The following CADM2 variants were observed in gnomAD, a reference collection of about 807,000 sequenced individuals.
The protein encoded by CADM2 is cell adhesion molecule 2, also known as immunoglobulin superfamily member 4D.
A neutral mutation model predicts 49.8 loss-of-function variants in CADM2; 12 were observed. The ratio of observed to expected loss-of-function variants is 0.24; its 90% CI spans 0.15 to 0.39. The LOEUF (loss-of-function observed/expected upper bound fraction) is 0.39. Among genes scored for constraint, CADM2 ranks in the 10% least tolerant of loss-of-function variants. The pLI, the probability that CADM2 is intolerant of heterozygous loss-of-function variation, is 1.00. For missense variants in CADM2, 378 were observed against 492.3 expected, an observed-to-expected ratio of 0.77 and a Z score of 2.20; for synonymous variants, 214 against 175.4, an observed-to-expected ratio of 1.22 and a Z score of -1.74.
intron 1 of CADM2, among the ~76,000 whole-genome samples, chr3:85,437,530 G>GAAACTTATCAATAGTAGT (rs2036988255): frequency 6.6e-6 from 1 of 152,062 alleles, no homozygotes; most frequent in Admixed American, 6.6e-5. Context: ...TCAGTGGTCT[G>GAAACTTATCAATAGTAGT]GATTTTGACC....
chr3:85,939,284 C>A (rs1402310642), intron 7 of CADM2, among the ~76,000 whole-genome samples: 2 of 151,988 alleles, frequency 1.3e-5, no homozygotes, highest in Admixed American at 1.3e-4. Flanking sequence ...TCTATTCTTT[C>A]CTTAAAAGAG....
chr3:85,160,049 TACATACATACAGAG>T (rs2040267400), intron 1 of CADM2, among the ~76,000 whole-genome samples: 1 of 152,170 alleles, frequency 6.6e-6, no homozygotes, highest in Non-Finnish European at 1.5e-5. Flanking sequence ...AATAGGTGCA[TACATACATACAGAG>T]ATAAAGGGGA....
chr3:85,313,500 C>A (rs1380349502), intron 1 of CADM2, among the ~76,000 whole-genome samples: 3 of 152,118 alleles, frequency 2.0e-5, no homozygotes, highest in East Asian at 1.9e-4. Context: ...CTTTGGATAT[C>A]AAACCTTCAG....
intron 1 of CADM2, among the ~76,000 whole-genome samples, chr3:85,354,338 C>CAG (rs2031636248): frequency 1.7e-5 from 2 of 119,522 alleles, no homozygotes; most frequent in South Asian, 5.6e-4. Context: ...GAACATCACA[C>CAG]TCCGGGGACT....
intron 1 of CADM2, among the ~76,000 whole-genome samples, chr3:85,090,571 A>G (rs753992398): frequency 1.3e-5 from 2 of 152,114 alleles, no homozygotes; most frequent in Non-Finnish European, 1.5e-5. Context: ...AAACCTAGCA[A>G]TTTCTGTGCT....
At chr3:85,832,623 A>G (rs2074232807) in intron 3 of CADM2, among the ~76,000 whole-genome samples, 2 of 151,634 alleles carry the variant, frequency 1.3e-5, no homozygotes, top group South Asian at 2.1e-4. Context: ...TTATTGTTGT[A>G]TAGAAATGCT....
chr3:86,068,823 G>A lies in CADM2; in HGVS notation c.*2040G>A, dbSNP rs1277001068. 6.6e-6 allele frequency: 1 copy of A among 152,256 alleles called. No homozygotes were observed. The highest frequency in any genetic ancestry group is 2.4e-5 in the African/African-American group (1 of 41,392). The allele number at this position is 152,256 out of a possible 1,614,324, so 9.4% of individuals were successfully genotyped here. On this transcript the variant is annotated 3_prime_UTR_variant, in exon 10 of 10. Transcript: ENST00000383699. ...GAAATAAGTCTGCATTGATGTGATT[G>A]CATGCTTGTTTTTACAGTTCACTCC... is the stretch of plus-strand genomic sequence containing the variant.
intron 1 of CADM2, among the ~76,000 whole-genome samples, chr3:85,269,688 A>C (rs1452618736): frequency 1.3e-5 from 2 of 151,340 alleles, no homozygotes; most frequent in African/African-American, 4.8e-5. Flanking sequence ...ACTATGTTCT[A>C]TGTGACAGAA....
Position 86,067,046 on chromosome 3 carries a change from C to T in CADM2, c.*263C>T. The T allele has an allele frequency of 2.6e-6, 1 of 382,440 alleles. No homozygotes were observed. Among genetic ancestry groups the T allele is most frequent in the East Asian group, 4.8e-5 (1 of 20,848 alleles). 23.7% of individuals were successfully genotyped at this position (382,440 alleles called of 1,614,324 possible). A position where few individuals can be genotyped will look rare whatever the true frequency, so the allele number is the denominator to read the frequency against. On this transcript the variant is annotated 3_prime_UTR_variant, in exon 10 of 10. Transcript: ENST00000383699. ...AACATACAGTGCTTGAATATACAGC[C>T]TTAACAATGTTAATCATCTCCTTGG...
intron 8 of CADM2, among the ~76,000 whole-genome samples, chr3:86,059,912 T>A (rs1738415127): frequency 6.6e-6 from 1 of 152,152 alleles, no homozygotes; most frequent in Admixed American, 6.5e-5. Flanking sequence ...AAATATTACT[T>A]TTTTAAAAAT....
intron 1 of CADM2, among the ~76,000 whole-genome samples, chr3:85,544,470 G>C (rs545018160): frequency 6.6e-6 from 1 of 152,286 alleles, no homozygotes; most frequent in East Asian, 1.9e-4. Flanking sequence ...CCAGCGACTG[G>C]GGAGGCTGAG....
chr3:85,262,669 A>T (rs2043037843), intron 1 of CADM2, among the ~76,000 whole-genome samples: 1 of 152,168 alleles, frequency 6.6e-6, no homozygotes, highest in Non-Finnish European at 1.5e-5. Context: ...GAAATAACTT[A>T]TCATGAATAA....
chr3:85,620,490 C>T (rs1160246026), intron 1 of CADM2, among the ~76,000 whole-genome samples: 1 of 151,758 alleles, frequency 6.6e-6, no homozygotes, highest in African/African-American at 2.4e-5. Context: ...TCCATAATTT[C>T]CATTATAAAA....
intron 1 of CADM2, among the ~76,000 whole-genome samples, chr3:85,089,082 C>T (rs867337325): frequency 5.3e-5 from 8 of 152,026 alleles, no homozygotes; most frequent in African/African-American, 1.9e-4. Context: ...ATAACTTTTC[C>T]TATAATTATA....
intron 1 of CADM2, among the ~76,000 whole-genome samples, chr3:85,183,581 C>G (rs926034433): frequency 3.9e-5 from 6 of 152,238 alleles, no homozygotes; most frequent in Non-Finnish European, 8.8e-5. Context: ...AACGCTCTTT[C>G]TGCTGAGACA....
intron 1 of CADM2, among the ~76,000 whole-genome samples, chr3:84,991,211 A>G (rs765870040): frequency 6.6e-6 from 1 of 152,084 alleles, no homozygotes. Flanking sequence ...TTTGTATTTA[A>G]AAAGTTATAA....
intron 3 of CADM2, among the ~76,000 whole-genome samples, chr3:85,808,822 T>C (rs2072626589): frequency 6.6e-6 from 1 of 152,138 alleles, no homozygotes. Context: ...ATTCTAATAA[T>C]TTTACACTAA....
chr3:85,421,764 G>T (rs570271343), intron 1 of CADM2, among the ~76,000 whole-genome samples: 17 of 152,286 alleles, frequency 1.1e-4, no homozygotes, highest in Non-Finnish European at 2.9e-5. Flanking sequence ...TTTTGTATAG[G>T]TTAATTTGAA....
chr3:85,844,040 G>T (rs929402931), intron 3 of CADM2, among the ~76,000 whole-genome samples: 2 of 151,948 alleles, frequency 1.3e-5, no homozygotes, highest in Non-Finnish European at 2.9e-5. Flanking sequence ...CTTCATAGCC[G>T]CATCTCATCT....
Sources: gnomAD v4.1 joint callset for allele counts (sites outside exome capture counted in the v4.1 genomes callset) on GRCh38, gnomAD v4.1.1 for gene constraint, MANE v1.5 for transcripts, NCBI Gene and HGNC (gene_info 2026-07-23, HGNC 2026-07-21) for gene names.